LRRC7: variants seen among roughly 807,000 people sequenced by gnomAD.
LRRC7 encodes the protein leucine rich repeat containing 7.
A neutral mutation model predicts 175.7 loss-of-function variants in LRRC7; 23 were observed. That is an observed-to-expected ratio of 0.13 (90% CI 0.09 to 0.19). The LOEUF is 0.19. Ranked by LOEUF, LRRC7 falls within the 10% of genes least tolerant of loss-of-function variation. The pLI is 1.00. For synonymous variants in LRRC7, 685 were observed against 680.9 expected (o/e 1.01, Z -0.09); for missense variants, 1,354 against 1,904.7 (o/e 0.71, Z 5.38).
At chr1:69,951,610 A>T (rs1410741263) in intron 8 of LRRC7, among the ~76,000 whole-genome samples, 1 of 152,154 alleles carries the variant, frequency 6.6e-6, no homozygotes, top group African/African-American at 2.4e-5. Context: ...ACGCATCCAT[A>T]AAAAAGAACA....
At chr1:69,572,028 C>A (rs2100878038) in intron 1 of LRRC7, among the ~76,000 whole-genome samples, 1 of 152,176 alleles carries the variant, frequency 6.6e-6, no homozygotes, top group South Asian at 2.1e-4. Flanking sequence ...CATCCACATT[C>A]TTTTTTGGAG....
intron 10 of LRRC7, among the ~76,000 whole-genome samples, chr1:69,992,666 C>G (rs1260294915): frequency 6.6e-6 from 1 of 152,112 alleles, no homozygotes; most frequent in Non-Finnish European, 1.5e-5. Context: ...GAGTGAGGTT[C>G]CTTTAAACCC....
intron 25 of LRRC7, among the ~76,000 whole-genome samples, chr1:70,094,392 T>G (rs1386562500): frequency 6.6e-6 from 1 of 152,136 alleles, no homozygotes; most frequent in African/African-American, 2.4e-5. Context: ...AAATTCATGG[T>G]TTTTTTAAAA....
intron 3 of LRRC7, among the ~76,000 whole-genome samples, chr1:69,768,020 C>T (rs374903135): frequency 1.3e-5 from 2 of 152,062 alleles, no homozygotes; most frequent in South Asian, 2.1e-4. Flanking sequence ...TACTCCACGC[C>T]GGCCACTCAT....
At chr1:69,633,025 T>C (rs572438973) in intron 1 of LRRC7, among the ~76,000 whole-genome samples, 1 of 152,200 alleles carries the variant, frequency 6.6e-6, no homozygotes, top group African/African-American at 2.4e-5. Flanking sequence ...ACAATTGTAC[T>C]ATTGAAAACT....
At chr1:69,968,905 G>GC (rs1296770009) in intron 8 of LRRC7, among the ~76,000 whole-genome samples, 3 of 151,360 alleles carry the variant, frequency 2.0e-5, no homozygotes, top group African/African-American at 7.3e-5. Context: ...TGCAAGCCCC[G>GC]CCTCCCAGGT....
chr1:69,708,424 C>A (rs1274533081), intron 2 of LRRC7, among the ~76,000 whole-genome samples: 1 of 152,120 alleles, frequency 6.6e-6, no homozygotes, highest in Non-Finnish European at 1.5e-5. Context: ...TTAAAATATA[C>A]CACATACCTT....
intron 1 of LRRC7, among the ~76,000 whole-genome samples, chr1:69,654,149 A>G (rs562754860): frequency 3.3e-5 from 5 of 151,712 alleles, no homozygotes; most frequent in Non-Finnish European, 7.4e-5. Context: ...CAAAAGCACT[A>G]TAGGACTAGA....
At chr1:69,933,195 C>A (rs1647569683) in intron 8 of LRRC7, among the ~76,000 whole-genome samples, 1 of 152,172 alleles carries the variant, frequency 6.6e-6, no homozygotes, top group Admixed American at 6.5e-5. Context: ...AAGCTGAATT[C>A]CAGAGACTTC....
intron 8 of LRRC7, among the ~76,000 whole-genome samples, chr1:69,935,903 C>T (rs1439912741): frequency 2.0e-5 from 3 of 152,068 alleles, no homozygotes; most frequent in Non-Finnish European, 4.4e-5. Context: ...AAAGCCAAAA[C>T]GTGTTTTTCA....
Position 70,038,408 on chromosome 1 carries a change from G to A in LRRC7, c.2584G>A (p.Glu862Lys), listed in dbSNP as rs1231432387. 4 of 1,613,900 alleles carry A rather than the reference G, an allele frequency of 2.5e-6. No individual in the cohort carries two copies. Among genetic ancestry groups the A allele is most frequent in the East Asian group, 4.5e-5 (2 of 44,846 alleles). The change falls in exon 21 of 27, where the codon GAG becomes AAG. Residue 862 changes from glutamate to lysine, a missense_variant. Coordinates refer to ENST00000651989, the MANE Select transcript of LRRC7 (RefSeq NM_001370785.2). ...DRIVGVPLEL[E>K]QSTHRHTPET... ...GATTGTTGGTGTTCCCCTGGAACTC[G>A]AGCAGTCTACACACAGACACACACC...
At chr1:69,916,489 C>T (rs890681508) in intron 7 of LRRC7, among the ~76,000 whole-genome samples, 1 of 151,434 alleles carries the variant, frequency 6.6e-6, no homozygotes, top group African/African-American at 2.4e-5. Context: ...CTGCCTTTAG[C>T]TCCATGCATA....
chr1:69,873,311 C>G (rs1685739333), intron 7 of LRRC7, among the ~76,000 whole-genome samples: 1 of 152,050 alleles, frequency 6.6e-6, no homozygotes, highest in African/African-American at 2.4e-5. Context: ...TGCCTCTTTA[C>G]AAAAATATTA....
Position 70,141,137 on chromosome 1 carries a change from A to T in LRRC7, c.*19250A>T, listed in dbSNP as rs1423163815. Among the ~76,000 whole-genome samples the T allele has an allele frequency of 6.6e-6, 1 of 152,152 alleles. No individual in the cohort carries two copies. Among genetic ancestry groups the T allele is most frequent in the African/African-American group, 2.4e-5 (1 of 41,438 alleles). On this transcript the variant is annotated 3_prime_UTR_variant, in exon 27 of 27. Transcript: ENST00000651989. ...CTCATAAAGAGGAAGAGATAACAAA[A>T]GATGTAGATAAGAGGACATTGTTAA...
At chr1:69,919,512 C>G in intron 7 of LRRC7, 1 of 827,272 alleles carries the variant, frequency 1.2e-6, no homozygotes, top group Non-Finnish European at 2.0e-6. Flanking sequence ...AGGGGGAGCC[C>G]GCCAGGGTCC....
chr1:70,059,988 T>A (rs997483091), intron 23 of LRRC7, among the ~76,000 whole-genome samples: 4 of 151,994 alleles, frequency 2.6e-5, no homozygotes, highest in Non-Finnish European at 5.9e-5. Flanking sequence ...TTTAAATAAA[T>A]ACATTTTATT....
chr1:69,868,183 C>T (rs947590248), intron 7 of LRRC7, among the ~76,000 whole-genome samples: 2 of 151,710 alleles, frequency 1.3e-5, no homozygotes, highest in African/African-American at 2.4e-5. Context: ...GGACAATGCT[C>T]AAAAGATAAT....
chr1:70,040,699 A>G (rs1659811254), intron 21 of LRRC7, among the ~76,000 whole-genome samples: 1 of 152,148 alleles, frequency 6.6e-6, no homozygotes, highest in Non-Finnish European at 1.5e-5. Context: ...CTGTAATCCC[A>G]GCTACTCGGG....
intron 11 of LRRC7, among the ~76,000 whole-genome samples, chr1:70,009,353 TTC>T (rs1266842603): frequency 1.4e-5 from 2 of 144,094 alleles, no homozygotes; most frequent in African/African-American, 2.7e-5. Context: ...CTTTCTTTCT[TTC>T]TTTTTTTTTT....
Sources: gnomAD v4.1 joint callset for allele counts (sites outside exome capture counted in the v4.1 genomes callset) on GRCh38, gnomAD v4.1.1 for gene constraint, MANE v1.5 for transcripts, NCBI Gene and HGNC (gene_info 2026-07-23, HGNC 2026-07-21) for gene names.